Variants in FGF23 observed in about 807,000 individuals in gnomAD.
FGF23 encodes the protein phosphatonin.
In FGF23, 8 loss-of-function variants were observed where a neutral mutation model predicts 9.0. That is an observed-to-expected ratio of 0.89 (90% CI 0.52 to 1.60). The LOEUF (loss-of-function observed/expected upper bound fraction) is 1.60, where lower values mean the gene tolerates loss of function less well. Among genes scored for constraint, FGF23 ranks in the 40% most tolerant of loss-of-function variants. The pLI is 0.00. For missense variants in FGF23, 311 were observed against 344.3 expected (o/e 0.90, Z 0.77); for synonymous variants, 118 against 146.2 (o/e 0.81, Z 1.39).
chr12:4,373,274 GC>G (rs1380871934), intron 1 of FGF23, among the ~76,000 whole-genome samples: 3 of 152,146 alleles, frequency 2.0e-5, no homozygotes, highest in Non-Finnish European at 4.4e-5. Context: ...CCAGGCTCAG[GC>G]GTCACCATCT....
At chr12:4,375,654 C>G (rs912848388) in intron 1 of FGF23, among the ~76,000 whole-genome samples, 4 of 152,136 alleles carry the variant, frequency 2.6e-5, no homozygotes, top group African/African-American at 9.7e-5. Flanking sequence ...CTTGGAACAG[C>G]TTGGGATTTG....
chr12:4,375,530 T>C (rs1865108351), intron 1 of FGF23, among the ~76,000 whole-genome samples: 1 of 152,252 alleles, frequency 6.6e-6, no homozygotes, highest in South Asian at 2.1e-4. Context: ...GGGAGAATTT[T>C]GCAGAAGGAA....
chr12:4,371,018 G>T (rs1226400350), intron 2 of FGF23, among the ~76,000 whole-genome samples: 4 of 152,186 alleles, frequency 2.6e-5, no homozygotes, highest in Admixed American at 6.5e-5. Flanking sequence ...TCCGCTTACT[G>T]CCTGGAGGCC....
chr12:4,372,526 T>A, intron 2 of FGF23, 68 bp downstream of exon 2: 4 of 973,858 alleles, frequency 4.1e-6, no homozygotes, highest in Non-Finnish European at 6.7e-6. Context: ...GCTAGAAAAG[T>A]CTATGTCGTG....
chr12:4,377,009 G>A (rs569694097), intron 1 of FGF23, among the ~76,000 whole-genome samples: 2 of 152,240 alleles, frequency 1.3e-5, no homozygotes, highest in African/African-American at 4.8e-5. Flanking sequence ...AAGATGCAAT[G>A]TTTAGCTAGT....
rs2120728623 is a variant in FGF23 at position 4,370,169 on chromosome 12, G to A, written c.*174C>T. 1.6e-6 allele frequency: 1 copy of A among 632,120 alleles called. No individual in the cohort carries two copies. 39.2% of individuals were successfully genotyped at this position (632,120 alleles called of 1,614,324 possible). ...GGAAGGCGGTGAAACCCCATGACTTGGGCCTCAAAGGTTGGTTCTCACAGG... is the reference window on the plus strand; with the variant it reads ...GGAAGGCGGTGAAACCCCATGACTTAGGCCTCAAAGGTTGGTTCTCACAGG... On this transcript the variant is annotated 3_prime_UTR_variant, in exon 3 of 3. Coordinates refer to ENST00000237837, the MANE Select transcript of FGF23 (RefSeq NM_020638.3).
intron 1 of FGF23, 152 bp downstream of exon 1, chr12:4,379,220 A>C (rs4993065): frequency 5.7e-4 from 344 of 603,330 alleles, no homozygotes; most frequent in Middle Eastern, 9.1e-4. Flanking sequence ...CACACACACA[A>C]ACACACACAC....
intron 2 of FGF23, among the ~76,000 whole-genome samples, chr12:4,370,993 A>G (rs1865058881): frequency 6.6e-6 from 1 of 152,200 alleles, no homozygotes; most frequent in South Asian, 2.1e-4. Flanking sequence ...TTCAGAGACT[A>G]CGACTACTGG....
At chr12:4,379,287 C>G in intron 1 of FGF23, 85 bp downstream of exon 1, 1 of 1,202,652 alleles carries the variant, frequency 8.3e-7, no homozygotes, top group Non-Finnish European at 1.2e-6. Flanking sequence ...GATTAGCCCT[C>G]CAGTCTAGTC....
chr12:4,370,441 C>T lies in FGF23; in HGVS notation c.658G>A (p.Ala220Thr). 6.2e-7 allele frequency: 1 copy of T among 1,613,550 alleles called. No individual in the cohort carries two copies. The highest frequency in any genetic ancestry group is 8.5e-7 in the Non-Finnish European group (1 of 1,179,822). ...CTGACCACCCCTAATGGGTCACTGG[C>T]CATCGGGCTGTTGTCCTCGGCGCTC... The part of the protein sequence containing the change: ...LPSAEDNSPM[A>T]SDPLGVVRGG... The change falls in exon 3 of 3, where the codon GCC becomes ACC. Residue 220 changes from alanine to threonine, a missense_variant. Ala to Thr is a moderately conservative substitution (Grantham distance 58). Around this residue, in one of 3 missense-constraint regions of FGF23, gnomAD observed 206 missense variants for 219.2 expected, o/e 0.94. Transcript: ENST00000237837.
At chr12:4,378,225 G>T (rs17700494) in intron 1 of FGF23, among the ~76,000 whole-genome samples, 3,904 of 152,152 alleles carry the variant, frequency 0.026, 72 homozygotes, top group Non-Finnish European at 0.039. Flanking sequence ...GAGCCTAGAA[G>T]AATAAATGCC....
chr12:4,374,543 G>A (rs1339869611), intron 1 of FGF23, among the ~76,000 whole-genome samples: 2 of 151,974 alleles, frequency 1.3e-5, no homozygotes, highest in Admixed American at 1.3e-4. Context: ...CCAGCTACTC[G>A]GGAGGCTGAG....
intron 1 of FGF23, among the ~76,000 whole-genome samples, chr12:4,377,517 G>A (rs975721420): frequency 8.3e-6 from 1 of 120,150 alleles, no homozygotes; most frequent in Admixed American, 1.1e-4. Flanking sequence ...TGCAAGCTCT[G>A]CCTCCCGGGT....
chr12:4,371,353 T>A (rs560760505), intron 2 of FGF23, among the ~76,000 whole-genome samples: 1 of 152,346 alleles, frequency 6.6e-6, no homozygotes, highest in East Asian at 1.9e-4. Context: ...CAGGACTATC[T>A]ACATGCCTAG....
At position 4,379,460 on chromosome 12, in the gene FGF23, G is replaced by T. The variant is rs1380738696; in HGVS notation, c.123C>A (p.His41Gln). The change falls in exon 1 of 3, where the codon CAC becomes CAA. Residue 41 changes from histidine (H) to glutamine (Q), a missense_variant. Around this residue, in one of 3 missense-constraint regions of FGF23, gnomAD observed 102 missense variants for 108.2 expected, o/e 0.94. Coordinates refer to ENST00000237837, the MANE Select transcript of FGF23 (RefSeq NM_020638.3). ...TGTTCCTGGCTGTGGCTGTGTACAG[G>T]TGGATCAGGCCACCCCAGCTGGAGC... ...LLGSSWGGLIHLYTATARNSY... is the reference protein window; with the variant it reads ...LLGSSWGGLIQLYTATARNSY... 1 of 1,613,576 alleles carries T rather than the reference G, an allele frequency of 6.2e-7. No individual in the cohort carries two copies. The highest frequency in any genetic ancestry group is 8.5e-7 in the Non-Finnish European group (1 of 1,180,028).
At position 4,372,687 on chromosome 12, in the gene FGF23, C is replaced by A; in HGVS notation, c.222G>T (p.Met74Ile). Residue 74 changes from methionine (M) to isoleucine (I), a missense_variant, in exon 2 of 3, where the codon ATG becomes ATT. Met to Ile is a conservative substitution (Grantham distance 10, BLOSUM62 1). Coordinates refer to ENST00000237837, the MANE Select transcript of FGF23 (RefSeq NM_020638.3). ...APHQTIYSAL[M>I]IRSEDAGFVV... ...CAAAGCCAGCATCCTCTGATCTGAT[C>A]ATCAGGGCACCTATGGAGAAAAACA... 1 of 1,610,226 alleles carries A rather than the reference C, an allele frequency of 6.2e-7. No homozygotes were observed. The highest frequency in any genetic ancestry group is 1.1e-5 in the South Asian group (1 of 90,990).
In FGF23 at chr12:4,370,116, A is replaced by G. The variant is rs186461749; in HGVS notation, c.*227T>C. Reference sequence around the variant, plus strand: ...TCTAGTTTACCTGTTGGGGTTTCCTATTGGGAAAGGTGTTCTATATGGAGT... The same window carrying G: ...TCTAGTTTACCTGTTGGGGTTTCCTGTTGGGAAAGGTGTTCTATATGGAGT... On this transcript the variant is annotated 3_prime_UTR_variant, in exon 3 of 3. Coordinates refer to ENST00000237837, the MANE Select transcript of FGF23 (RefSeq NM_020638.3). The G allele has an allele frequency of 8.3e-5, 44 of 531,252 alleles. No individual in the cohort carries two copies. Among genetic ancestry groups the G allele is most frequent in the African/African-American group, 5.2e-4 (27 of 51,910 alleles). The allele number at this position is 531,252 out of a possible 1,614,324, so 32.9% of individuals were successfully genotyped here. A position where few individuals can be genotyped will look rare whatever the true frequency, so the allele number is the denominator to read the frequency against.
rs369035509 is a variant in FGF23 at position 4,370,445 on chromosome 12, C to T, written c.654G>A (p.Pro218=). Reference sequence around the variant, plus strand: ...CCACCCCTAATGGGTCACTGGCCATCGGGCTGTTGTCCTCGGCGCTCGGGA... The same window carrying T: ...CCACCCCTAATGGGTCACTGGCCATTGGGCTGTTGTCCTCGGCGCTCGGGA... The part of the protein sequence containing the change: ...QELPSAEDNS[P]MASDPLGVVR... Residue 218 remains proline, a synonymous_variant, in exon 3 of 3, where the codon CCG becomes CCA. Coordinates refer to ENST00000237837, the MANE Select transcript of FGF23 (RefSeq NM_020638.3). The T allele has an allele frequency of 4.3e-6, 7 of 1,613,386 alleles. No individual in the cohort carries two copies. The highest frequency in any genetic ancestry group is 1.6e-4 in the Middle Eastern group (1 of 6,068).
chr12:4,369,228 A>G lies in FGF23; in HGVS notation c.*1115T>C, dbSNP rs1367154268. ...ATGTGGTTGTCTTTTCATAACTTCTATAACATGTCCCCTGATTTCTTTCCC... is the reference window on the plus strand; with the variant it reads ...ATGTGGTTGTCTTTTCATAACTTCTGTAACATGTCCCCTGATTTCTTTCCC... On this transcript the variant is annotated 3_prime_UTR_variant, in exon 3 of 3. Coordinates refer to ENST00000237837, the MANE Select transcript of FGF23 (RefSeq NM_020638.3). 2.2e-5 allele frequency: 5 copies of G among 231,454 alleles called. No homozygotes were observed. The highest frequency in any genetic ancestry group is 1.1e-4 in the Admixed American group (2 of 17,726). 14.3% of individuals were successfully genotyped at this position (231,454 alleles called of 1,614,324 possible).
Sources: allele counts gnomAD v4.1 joint callset (sites outside exome capture counted in the v4.1 genomes callset), GRCh38; gene constraint gnomAD v4.1.1; regional missense constraint gnomAD v4.1.1; transcripts MANE v1.5; gene names NCBI Gene and HGNC (gene_info 2026-07-23, HGNC 2026-07-21).